DYNC2H1: variants seen among roughly 807,000 people sequenced by gnomAD.
DYNC2H1 encodes the protein cytoplasmic dynein 2 heavy chain 1.
In DYNC2H1, 410 loss-of-function variants were observed where a neutral mutation model predicts 570.0. The ratio of observed to expected loss-of-function variants is 0.72; its 90% CI spans 0.66 to 0.78. DYNC2H1 has a LOEUF of 0.78. Ranked by LOEUF, DYNC2H1 falls within the 30% of genes least tolerant of loss-of-function variation. The probability of loss-of-function intolerance (pLI) is 0.00; values close to 1 mark genes in which losing one functional copy is unlikely to be tolerated. For synonymous variants in DYNC2H1, 1,688 were observed against 1,677.6 expected (o/e 1.01, Z -0.15); for missense variants, 4,865 against 5,046.4 (o/e 0.96, Z 1.09).
chr11:103,113,297 A>G (rs975190998), intron 1 of DYNC2H1, among the ~76,000 whole-genome samples: 4 of 152,150 alleles, frequency 2.6e-5, no homozygotes, highest in African/African-American at 7.2e-5. Flanking sequence ...AACAACGTAT[A>G]TATTGTTTTA....
intron 70 of DYNC2H1, among the ~76,000 whole-genome samples, chr11:103,266,017 G>A (rs1406049133): frequency 7.4e-6 from 1 of 134,474 alleles, no homozygotes; most frequent in Non-Finnish European, 1.5e-5. Context: ...TTGATCTCTG[G>A]CTCCTTGGGG....
intron 5 of DYNC2H1, among the ~76,000 whole-genome samples, chr11:103,117,143 A>C (rs1421756069): frequency 1.3e-5 from 2 of 148,940 alleles, no homozygotes; most frequent in Non-Finnish European, 3.0e-5. Context: ...AGTAAATAGC[A>C]ATTAGGGATT....
chr11:103,212,071 A>G, intron 54 of DYNC2H1, 128 bp downstream of exon 54: 1 of 1,153,938 alleles, frequency 8.7e-7, no homozygotes, highest in Non-Finnish European at 1.1e-6. Context: ...AAGCCTTGGA[A>G]AACAGTCTCA....
At chr11:103,391,295 C>T (rs1591671077) in intron 83 of DYNC2H1, among the ~76,000 whole-genome samples, 1 of 152,190 alleles carries the variant, frequency 6.6e-6, no homozygotes. Context: ...GAATTGGCTA[C>T]TGAAGCTTGT....
At chr11:103,370,562 A>G (rs2671325) in intron 83 of DYNC2H1, among the ~76,000 whole-genome samples, 102,649 of 152,034 alleles carry the variant, frequency 0.68, 34,756 homozygotes, top group Admixed American at 0.73. Context: ...TACAGTACTA[A>G]TGGTGGTAGC....
At chr11:103,380,562 A>T (rs916439809) in intron 83 of DYNC2H1, among the ~76,000 whole-genome samples, 7 of 151,558 alleles carry the variant, frequency 4.6e-5, no homozygotes, top group African/African-American at 1.7e-4. Flanking sequence ...GTGATGAGGA[A>T]TTTTTTTTGT....
At chr11:103,425,501 C>T (rs1424831830) in intron 84 of DYNC2H1, among the ~76,000 whole-genome samples, 2 of 151,972 alleles carry the variant, frequency 1.3e-5, no homozygotes, top group Admixed American at 1.3e-4. Context: ...GCCTCATAAC[C>T]TTCACCCTCA....
In DYNC2H1 at chr11:103,446,175, G is replaced by A. The variant is rs944579334; in HGVS notation, c.12457-9011G>A. On this transcript the variant is annotated intron_variant, in intron 85 of 88. Transcript: ENST00000375735. The surrounding 1 kb of genome is among the most constrained non-coding windows in gnomAD (Gnocchi z 4.5). ...TGGAAATGTCAGAGAAGTAATTGATGAGAAAGCTACTGGAATTGGAAATAG... is the reference window on the plus strand; with the variant it reads ...TGGAAATGTCAGAGAAGTAATTGATAAGAAAGCTACTGGAATTGGAAATAG... 9.2e-5 allele frequency among the ~76,000 whole-genome samples: 14 copies of A among 152,102 alleles called. No individual in the cohort carries two copies. The highest frequency in any genetic ancestry group is 3.1e-4 in the African/African-American group (13 of 41,422).
intron 88 of DYNC2H1, among the ~76,000 whole-genome samples, chr11:103,476,236 T>C (rs574908591): frequency 6.6e-6 from 1 of 152,288 alleles, no homozygotes; most frequent in African/African-American, 2.4e-5. Context: ...ATTCTCTTTA[T>C]CCCAAATCCC....
rs57040929 is a variant in DYNC2H1 at position 103,288,684 on chromosome 11, T to TAAAAAAAAAAAAAAAAAAAAAAAA, written c.11095+1082_11095+1105dup. 6.1e-4 allele frequency among the ~76,000 whole-genome samples: 17 copies of TAAAAAAAAAAAAAAAAAAAAAAAA among 27,914 alleles called. 1 individual carries two copies. Among genetic ancestry groups the TAAAAAAAAAAAAAAAAAAAAAAAA allele is most frequent in the South Asian group, 1.8e-3 (1 of 566 alleles). 18.3% of individuals were successfully genotyped at this position (27,914 alleles called of 152,430 possible). On this transcript the variant is annotated intron_variant, in intron 75 of 88. Coordinates refer to ENST00000375735, the MANE Select transcript of DYNC2H1 (RefSeq NM_001377.3). ...CTACATGGTGAAACCCCGTCTCTAC[T>TAAAAAAAAAAAAAAAAAAAAAAAA]AAAAAAAAAAAAAAAAAAAAAAAAA... is the stretch of plus-strand genomic sequence containing the variant.
At chr11:103,463,552 C>T (rs1054045513) in intron 87 of DYNC2H1, among the ~76,000 whole-genome samples, 2 of 152,086 alleles carry the variant, frequency 1.3e-5, no homozygotes, top group Admixed American at 6.5e-5. Flanking sequence ...GTGTTTAAGA[C>T]CAGCCTGAGC....
intron 36 of DYNC2H1, 87 bp from the exon 37 acceptor site, chr11:103,176,148 A>G: frequency 1.1e-6 from 1 of 951,506 alleles, no homozygotes; most frequent in East Asian, 3.0e-5. Context: ...AATGATTAAT[A>G]ATGCATATCA....
At chr11:103,422,079 C>T (rs1943507937) in intron 84 of DYNC2H1, among the ~76,000 whole-genome samples, 3 of 152,074 alleles carry the variant, frequency 2.0e-5, no homozygotes, top group African/African-American at 7.2e-5. Context: ...TACACATAAA[C>T]CAGGCCATCT....
chr11:103,441,566 T>C (rs941878583), intron 85 of DYNC2H1, among the ~76,000 whole-genome samples: 12 of 152,176 alleles, frequency 7.9e-5, no homozygotes, highest in African/African-American at 2.7e-4. Context: ...ACAAATAGGC[T>C]TTTCAGTAAA....
intron 83 of DYNC2H1, among the ~76,000 whole-genome samples, chr11:103,360,188 G>A (rs1255860379): frequency 1.3e-5 from 2 of 151,710 alleles, no homozygotes; most frequent in Non-Finnish European, 2.9e-5. Context: ...CTATTTTAGG[G>A]GAAATCATAA....
In DYNC2H1 at chr11:103,289,969, A is replaced by G. The variant is rs1866526130; in HGVS notation, c.11095+2364A>G. On this transcript the variant is annotated intron_variant, in intron 75 of 88. Coordinates refer to ENST00000375735, the MANE Select transcript of DYNC2H1 (RefSeq NM_001377.3). The surrounding 1 kb of genome is among the most constrained non-coding windows in gnomAD (Gnocchi z 4.2). ...ATGAAGGCACAGATTCAAGTTGTGC[A>G]ACTGCAAGCCAAGGAACACTGAAGA... Among the ~76,000 whole-genome samples the G allele has an allele frequency of 1.3e-5, 2 of 152,136 alleles. No individual in the cohort carries two copies. Among genetic ancestry groups the G allele is most frequent in the African/African-American group, 4.8e-5 (2 of 41,446 alleles).
chr11:103,335,650 C>T (rs569984219), intron 82 of DYNC2H1, among the ~76,000 whole-genome samples: 1 of 152,106 alleles, frequency 6.6e-6, no homozygotes, highest in Admixed American at 6.5e-5. Flanking sequence ...CCAAACTATT[C>T]CAGATAGCTT....
At position 103,152,223 on chromosome 11, in the gene DYNC2H1, A is replaced by G; in HGVS notation, c.3034A>G (p.Lys1012Glu). The G allele has an allele frequency of 6.2e-7, 1 of 1,609,856 alleles. No individual in the cohort carries two copies. Among genetic ancestry groups the G allele is most frequent in the Non-Finnish European group, 8.5e-7 (1 of 1,178,538 alleles). ...AGGTTTAGAAACAATTAGTAATTTG[A>G]AAGCCAAGTGGGATAAATTTGAGTT... Reference protein sequence around the residue: ...GGGLETISNLKAKWDKFELMM... With the variant: ...GGGLETISNLEAKWDKFELMM... The change falls in exon 21 of 89, where the codon AAA becomes GAA. Residue 1012 changes from lysine to glutamate, a missense_variant. Physicochemically the swap from Lys to Glu is moderately conservative, Grantham distance 56. Transcript: ENST00000375735.
intron 22 of DYNC2H1, among the ~76,000 whole-genome samples, chr11:103,154,025 T>C (rs1329469247): frequency 6.6e-6 from 1 of 151,910 alleles, no homozygotes; most frequent in Non-Finnish European, 1.5e-5. Context: ...TAAATGGCAT[T>C]ATACTGATTA....
Sources: allele counts gnomAD v4.1 joint callset (sites outside exome capture counted in the v4.1 genomes callset), GRCh38; gene constraint gnomAD v4.1.1; non-coding constraint Gnocchi (gnomAD v3.1); transcripts MANE v1.5; gene names NCBI Gene and HGNC (gene_info 2026-07-23, HGNC 2026-07-21).